ERICH6: variants seen among roughly 807,000 people sequenced by gnomAD.
ERICH6 encodes the protein glutamate rich 6, also known as glutamate-rich protein 6.
A neutral mutation model predicts 71.0 loss-of-function variants in ERICH6; 71 were observed. That is an observed-to-expected ratio of 1.00 (90% confidence interval 0.83 to 1.22). The LOEUF (loss-of-function observed/expected upper bound fraction) is 1.22. Ranked by LOEUF, ERICH6 falls within the 50% of genes most tolerant of loss-of-function variation. ERICH6 has a pLI of 0.00. For missense variants in ERICH6, 808 were observed against 797.2 expected (o/e 1.01, Z -0.16); for synonymous variants, 262 against 278.4 (o/e 0.94, Z 0.59).
At chr3:150,702,883 AAT>A (rs1712955041) in intron 1 of ERICH6, among the ~76,000 whole-genome samples, 1 of 111,692 alleles carries the variant, frequency 9.0e-6, no homozygotes, top group African/African-American at 3.7e-5. Context: ...CTCTGGAAAT[AAT>A]ATGAGTGTGT....
intron 2 of ERICH6, among the ~76,000 whole-genome samples, chr3:150,701,876 ATAGT>A (rs1461902297): frequency 6.6e-6 from 1 of 152,250 alleles, no homozygotes; most frequent in East Asian, 1.9e-4. Context: ...CATGGCATAT[ATAGT>A]TATTCTTTCA....
At chr3:150,669,052 A>G (rs953831743) in intron 12 of ERICH6, among the ~76,000 whole-genome samples, 5 of 152,190 alleles carry the variant, frequency 3.3e-5, no homozygotes, top group Non-Finnish European at 7.3e-5. Context: ...TATATAGTTC[A>G]TATATTCTTA....
At position 150,666,895 on chromosome 3, in the gene ERICH6, C is replaced by CA. The variant is rs771064630; in HGVS notation, c.1619dup (p.Ala541GlyfsTer41). 2.5e-6 allele frequency: 4 copies of CA among 1,614,020 alleles called. No homozygotes were observed. The highest frequency in any genetic ancestry group is 2.5e-6 in the Non-Finnish European group (3 of 1,180,022). ...GGACTCCAATATAACGGTTCAAAGC[C>CA]AGAAAGACAGGTTTAAATGAAACAA... On this transcript the variant is annotated frameshift_variant, in exon 13 of 14. Coordinates refer to ENST00000295910, the MANE Select transcript of ERICH6 (RefSeq NM_152394.5). LOFTEE classifies it high-confidence loss of function.
At chr3:150,686,188 C>T in intron 4 of ERICH6, 110 bp downstream of exon 4, 1 of 1,335,736 alleles carries the variant, frequency 7.5e-7, no homozygotes, top group East Asian at 2.3e-5. Context: ...CACACCTGTT[C>T]TTAGGTGAGT....
At chr3:150,667,759 A>G (rs1411591564) in intron 12 of ERICH6, among the ~76,000 whole-genome samples, 3 of 152,130 alleles carry the variant, frequency 2.0e-5, no homozygotes, top group African/African-American at 7.2e-5. Context: ...GAGACAGTAG[A>G]TATAGTGTTC....
chr3:150,695,142 C>T (rs1281700956), intron 3 of ERICH6, among the ~76,000 whole-genome samples: 2 of 152,108 alleles, frequency 1.3e-5, no homozygotes, highest in African/African-American at 2.4e-5. Flanking sequence ...TGGGGGAACA[C>T]AAATATTTAG....
intron 9 of ERICH6, among the ~76,000 whole-genome samples, chr3:150,680,219 T>G (rs950040205): frequency 2.6e-5 from 4 of 152,174 alleles, no homozygotes; most frequent in African/African-American, 9.7e-5. Context: ...AATAAAAATT[T>G]TTCAATACTA....
intron 10 of ERICH6, among the ~76,000 whole-genome samples, chr3:150,675,913 ATT>A (rs377064762): frequency 1.6e-5 from 2 of 126,404 alleles, no homozygotes; most frequent in Admixed American, 7.8e-5. Context: ...TGTGTCTAGA[ATT>A]TTTTTTTTTT....
Position 150,674,041 on chromosome 3 carries a change from C to G in ERICH6, c.1258G>C (p.Val420Leu). The G allele has an allele frequency of 1.2e-6, 2 of 1,613,070 alleles. No homozygotes were observed. The highest frequency in any genetic ancestry group is 1.1e-5 in the South Asian group (1 of 90,920). The change falls in exon 11 of 14, where the codon GTT (valine) becomes CTT (leucine). Residue 420 changes from valine (V) to leucine (L), a missense_variant and splice_region_variant. Physicochemically the swap from Val to Leu is conservative, Grantham distance 32. Coordinates refer to ENST00000295910, the MANE Select transcript of ERICH6 (RefSeq NM_152394.5). ...CCDSRIACGK[V>L]VRNELLEKHY... is the part of the protein sequence containing the mutation. ...TTCTCTAAGAGCTCATTCCTGACAA[C>G]CTATACACCACAGAAAAGAAAAGAC... is the stretch of plus-strand genomic sequence containing the variant.
intron 13 of ERICH6, among the ~76,000 whole-genome samples, chr3:150,661,937 A>G (rs1012658569): frequency 2.0e-5 from 3 of 152,166 alleles, no homozygotes; most frequent in African/African-American, 7.2e-5. Flanking sequence ...AAGGAACACA[A>G]TCCAACTATA....
intron 3 of ERICH6, among the ~76,000 whole-genome samples, chr3:150,693,967 T>TA (rs1372928293): frequency 2.0e-5 from 3 of 152,194 alleles, no homozygotes; most frequent in African/African-American, 7.2e-5. Flanking sequence ...CTAGAAAACT[T>TA]AAACTTCAGA....
At chr3:150,663,901 C>T (rs1381461621) in intron 13 of ERICH6, among the ~76,000 whole-genome samples, 1 of 152,030 alleles carries the variant, frequency 6.6e-6, no homozygotes, top group Non-Finnish European at 1.5e-5. Flanking sequence ...TATCAGCATG[C>T]AGATGATATT....
chr3:150,678,716 G>T (rs764966245), intron 9 of ERICH6, among the ~76,000 whole-genome samples, 162 bp from the exon 10 acceptor site: 5 of 151,596 alleles, frequency 3.3e-5, no homozygotes, highest in Non-Finnish European at 5.9e-5. Flanking sequence ...ATTCCCCCTT[G>T]TCAAAAAATG....
intron 2 of ERICH6, among the ~76,000 whole-genome samples, 189 bp from the exon 3 acceptor site, chr3:150,699,071 G>A (rs1182454781): frequency 6.6e-6 from 1 of 151,902 alleles, no homozygotes; most frequent in Non-Finnish European, 1.5e-5. Flanking sequence ...CTTTTTTTGG[G>A]GGGATAAGCT....
chr3:150,674,632 C>T (rs1211295709), intron 10 of ERICH6, among the ~76,000 whole-genome samples: 2 of 152,148 alleles, frequency 1.3e-5, no homozygotes, highest in Non-Finnish European at 2.9e-5. Context: ...CCCCAATACA[C>T]ACACATATGC....
chr3:150,681,496 T>C (rs530844144), intron 7 of ERICH6, among the ~76,000 whole-genome samples: 2 of 152,380 alleles, frequency 1.3e-5, no homozygotes, highest in African/African-American at 4.8e-5. Context: ...CGAATCATGC[T>C]GCTGTCAACA....
At chr3:150,685,173 G>A (rs1366800603) in intron 6 of ERICH6, among the ~76,000 whole-genome samples, 1 of 152,104 alleles carries the variant, frequency 6.6e-6, no homozygotes, top group Non-Finnish European at 1.5e-5. Flanking sequence ...AGGTTGAATT[G>A]TGTCTCCCAA....
intron 3 of ERICH6, among the ~76,000 whole-genome samples, chr3:150,689,408 A>T (rs1712331643): frequency 6.6e-6 from 1 of 152,226 alleles, no homozygotes; most frequent in East Asian, 1.9e-4. Context: ...TTTTTCCACC[A>T]CAACAGCCTG....
chr3:150,681,807 CTTTTTTT>C (rs34909258), intron 7 of ERICH6, among the ~76,000 whole-genome samples: 10 of 70,280 alleles, frequency 1.4e-4, no homozygotes, highest in South Asian at 1.2e-3. Flanking sequence ...ACACATAACT[CTTTTTTT>C]TTTTTTTTTT....
Sources: gnomAD v4.1 joint callset for allele counts (sites outside exome capture counted in the v4.1 genomes callset) on GRCh38, gnomAD v4.1.1 for gene constraint, MANE v1.5 for transcripts, NCBI Gene and HGNC (gene_info 2026-07-23, HGNC 2026-07-21) for gene names.